The following NREP variants were observed in gnomAD, a reference collection of about 807,000 sequenced individuals.
NREP encodes the protein neuronal regeneration-related protein.
NREP carries 5 observed loss-of-function variants against 8.6 expected under a neutral mutation model. The observed-to-expected ratio is 0.58, with a 90% CI of 0.30 to 1.22. NREP has a LOEUF of 1.22. Among genes scored for constraint, NREP ranks in the 50% most tolerant of loss-of-function variants. The pLI is 0.07. For synonymous variants in NREP, 27 were observed against 28.0 expected (o/e 0.96, Z 0.11); for missense variants, 86 against 82.5 (o/e 1.04, Z -0.17).
intron 2 of NREP, among the ~76,000 whole-genome samples, chr5:111,925,242 T>C (rs189159868): frequency 4.6e-4 from 65 of 140,242 alleles, no homozygotes; most frequent in African/African-American, 1.6e-3. Flanking sequence ...GCTGGAGCAT[T>C]TGGGAGACCA....
At position 111,742,682 on chromosome 5, in the gene NREP, T is replaced by C. The variant is rs563580467; in HGVS notation, c.4-7175A>G. On this transcript the variant is annotated intron_variant, in intron 2 of 3. Coordinates refer to ENST00000257435, the MANE Select transcript of NREP (RefSeq NM_004772.4). ...TTCATTACGTGAGTTTTCTGGGCTTTGATGGTACATGGTTCAAGGCCAGGT... is the reference window on the plus strand; with the variant it reads ...TTCATTACGTGAGTTTTCTGGGCTTCGATGGTACATGGTTCAAGGCCAGGT... 2.4e-4 allele frequency among the ~76,000 whole-genome samples: 36 copies of C among 152,234 alleles called. No homozygotes were observed. The South Asian group carries it at 6.8e-3, about 29-fold the overall frequency.
chr5:111,868,129 G>A (rs529989572), intron 2 of NREP, among the ~76,000 whole-genome samples: 6 of 152,038 alleles, frequency 3.9e-5, no homozygotes, highest in Admixed American at 1.3e-4. Context: ...GACAAACATC[G>A]CGTCTTTATC....
At chr5:111,929,119 A>G (rs1170583325) in intron 2 of NREP, among the ~76,000 whole-genome samples, 1 of 152,172 alleles carries the variant, frequency 6.6e-6, no homozygotes, top group Non-Finnish European at 1.5e-5. Flanking sequence ...ATCACTTAGT[A>G]AATGGTACTA....
chr5:111,900,545 G>A (rs1489699146), intron 2 of NREP, among the ~76,000 whole-genome samples: 1 of 151,802 alleles, frequency 6.6e-6, no homozygotes, highest in Non-Finnish European at 1.5e-5. Flanking sequence ...AAGAGTAAAT[G>A]TCCAATAAAT....
At chr5:111,937,250 A>T (rs1434775980) in intron 2 of NREP, among the ~76,000 whole-genome samples, 1 of 152,130 alleles carries the variant, frequency 6.6e-6, no homozygotes, top group Non-Finnish European at 1.5e-5. Flanking sequence ...AGTGTAGCAG[A>T]TAAGTGTAAC....
At chr5:111,976,285 C>A (rs539774878) in intron 1 of NREP, among the ~76,000 whole-genome samples, 126 of 152,186 alleles carry the variant, frequency 8.3e-4, no homozygotes, top group Non-Finnish European at 1.5e-3. Context: ...TCTATGGCAT[C>A]TCTGACATTT....
intron 2 of NREP, among the ~76,000 whole-genome samples, chr5:111,882,985 TTAAATG>T (rs1754129400): frequency 6.6e-6 from 1 of 152,112 alleles, no homozygotes; most frequent in African/African-American, 2.4e-5. Flanking sequence ...AATATTAACT[TTAAATG>T]TAAATGGACT....
At chr5:111,919,846 A>C (rs962808161) in intron 2 of NREP, among the ~76,000 whole-genome samples, 1 of 147,736 alleles carries the variant, frequency 6.8e-6, no homozygotes, top group South Asian at 2.1e-4. Flanking sequence ...CATTCTGCAC[A>C]TGTATCCCAG....
intron 2 of NREP, among the ~76,000 whole-genome samples, chr5:111,831,521 G>A (rs573366556): frequency 1.3e-5 from 2 of 152,252 alleles, no homozygotes; most frequent in Admixed American, 6.5e-5. Context: ...CAGGCATCCT[G>A]TATCAGGGCA....
At chr5:111,905,610 T>C (rs1269227055) in intron 2 of NREP, among the ~76,000 whole-genome samples, 1 of 152,114 alleles carries the variant, frequency 6.6e-6, no homozygotes, top group Non-Finnish European at 1.5e-5. Flanking sequence ...GACAGCAGCA[T>C]TTTAATTTCA....
In NREP at chr5:111,729,370, T is replaced by C. The variant is rs1748349969; in HGVS notation, c.*1551A>G. On this transcript the variant is annotated 3_prime_UTR_variant, in exon 4 of 4. Coordinates refer to ENST00000257435, the MANE Select transcript of NREP (RefSeq NM_004772.4). ...ATAGCTAAAATACATTGGGTACTTG[T>C]CATGAGTGCATCAGTAAAGATCACA... The C allele has an allele frequency of 6.6e-6, 1 of 152,270 alleles. No homozygotes were observed. The highest frequency in any genetic ancestry group is 1.5e-5 in the Non-Finnish European group (1 of 68,042). 9.4% of individuals were successfully genotyped at this position (152,270 alleles called of 1,614,324 possible).
intron 2 of NREP, among the ~76,000 whole-genome samples, chr5:111,813,182 C>T (rs574982487): frequency 6.6e-5 from 10 of 152,070 alleles, no homozygotes; most frequent in Non-Finnish European, 1.0e-4. Context: ...GTGACTTCCC[C>T]AAAGTTATTT....
chr5:111,755,014 T>A (rs1206249056), intron 2 of NREP, among the ~76,000 whole-genome samples: 1 of 152,190 alleles, frequency 6.6e-6, no homozygotes, highest in Non-Finnish European at 1.5e-5. Context: ...TTTATGATAT[T>A]TCTATTATTT....
At chr5:111,888,339 T>TGGGGGGG (rs1554105346) in intron 2 of NREP, among the ~76,000 whole-genome samples, 1 of 144,724 alleles carries the variant, frequency 6.9e-6, no homozygotes, top group Non-Finnish European at 1.5e-5. Context: ...CATTGCTGGG[T>TGGGGGGG]GGCGGGGGGG....
chr5:111,782,772 T>C (rs1397015893), intron 2 of NREP, among the ~76,000 whole-genome samples: 1 of 151,748 alleles, frequency 6.6e-6, no homozygotes, highest in Non-Finnish European at 1.5e-5. Context: ...TCTCGCTCTG[T>C]CATCCAGGCT....
chr5:111,936,157 T>G (rs565205701), intron 2 of NREP, among the ~76,000 whole-genome samples: 35 of 152,246 alleles, frequency 2.3e-4, no homozygotes, highest in Non-Finnish European at 4.9e-4. Context: ...GGGCATGATA[T>G]GGTTCGGCTC....
At chr5:111,786,111 C>T (rs1185795991) in intron 2 of NREP, among the ~76,000 whole-genome samples, 2 of 149,896 alleles carry the variant, frequency 1.3e-5, no homozygotes, top group Non-Finnish European at 2.9e-5. Flanking sequence ...GGAACTTAGA[C>T]AGTTCTCAAA....
chr5:111,799,245 A>T (rs545356220), intron 2 of NREP, among the ~76,000 whole-genome samples: 2 of 152,138 alleles, frequency 1.3e-5, no homozygotes, highest in African/African-American at 4.8e-5. Context: ...TGCTTTGACT[A>T]TGCAGGCTCT....
chr5:111,752,532 T>C (rs1307765720), intron 2 of NREP, among the ~76,000 whole-genome samples: 1 of 152,208 alleles, frequency 6.6e-6, no homozygotes, highest in Non-Finnish European at 1.5e-5. Context: ...AATCTTTGTC[T>C]TTTTCTTTAA....
Sources: allele counts gnomAD v4.1 joint callset (sites outside exome capture counted in the v4.1 genomes callset), GRCh38; gene constraint gnomAD v4.1.1; transcripts MANE v1.5; gene names NCBI Gene and HGNC (gene_info 2026-07-23, HGNC 2026-07-21).